Variants in PAX3 observed in about 807,000 individuals in gnomAD.
PAX3 encodes the protein paired box 3.
PAX3 carries 14 observed loss-of-function variants against 51.6 expected under a neutral mutation model. That is an observed-to-expected ratio of 0.27 (90% CI 0.18 to 0.42). The LOEUF is 0.42. Among genes scored for constraint, PAX3 ranks in the 10% least tolerant of loss-of-function variants. PAX3 has a pLI of 1.00. For synonymous variants in PAX3, 280 were observed against 253.4 expected (o/e 1.11, Z -1.00); for missense variants, 540 against 642.8 (o/e 0.84, Z 1.73).
Position 222,200,957 on chromosome 2 carries a change from C to G in PAX3, c.*451G>C. ...TTGTAGAAGTATCAGCATCGAACAT[C>G]GACATGTTATACTTTAGGGTATTCT... On this transcript the variant is annotated 3_prime_UTR_variant, in exon 9 of 9. Transcript: ENST00000392070. The G allele has an allele frequency of 1.7e-6, 1 of 590,718 alleles. No homozygotes were observed. Among genetic ancestry groups the G allele is most frequent in the South Asian group, 2.1e-5 (1 of 48,320 alleles). The allele number at this position is 590,718 out of a possible 1,614,324, so 36.6% of individuals were successfully genotyped here. A position where few individuals can be genotyped will look rare whatever the true frequency, so the allele number is the denominator to read the frequency against.
intron 7 of PAX3, among the ~76,000 whole-genome samples, chr2:222,206,158 G>T (rs1197641830): frequency 6.6e-6 from 1 of 150,600 alleles, no homozygotes; most frequent in East Asian, 1.9e-4. Context: ...TTTAATTTGG[G>T]GTATGAGAGA....
chr2:222,226,923 T>A (rs1559268352), intron 5 of PAX3, among the ~76,000 whole-genome samples: 1 of 151,860 alleles, frequency 6.6e-6, no homozygotes, highest in Non-Finnish European at 1.5e-5. Context: ...CAGTTGTATA[T>A]ACACATACAC....
chr2:222,240,053 A>C (rs1358747387), intron 4 of PAX3, among the ~76,000 whole-genome samples: 2 of 152,018 alleles, frequency 1.3e-5, no homozygotes, highest in African/African-American at 2.4e-5. Flanking sequence ...ATTAGAAGGA[A>C]AATAAGCTCC....
chr2:222,201,171 C>T lies in PAX3; in HGVS notation c.*237G>A. Reference sequence around the variant, plus strand: ...CATTGCCTTAAAATGTTGCATTTGTCTTTTATTGCTCCAGGTCTTCCTCTT... The same window carrying T: ...CATTGCCTTAAAATGTTGCATTTGTTTTTTATTGCTCCAGGTCTTCCTCTT... On this transcript the variant is annotated 3_prime_UTR_variant, in exon 9 of 9. Coordinates refer to ENST00000392070, the MANE Select transcript of PAX3 (RefSeq NM_181458.4). The T allele has an allele frequency of 6.2e-7, 1 of 1,613,902 alleles. No individual in the cohort carries two copies. The highest frequency in any genetic ancestry group is 8.5e-7 in the Non-Finnish European group (1 of 1,179,938).
At chr2:222,260,478 C>T (rs1187802385) in intron 4 of PAX3, among the ~76,000 whole-genome samples, 1 of 148,714 alleles carries the variant, frequency 6.7e-6, no homozygotes, top group African/African-American at 2.5e-5. Flanking sequence ...AACTCCCTTT[C>T]ATTTACACAT....
At chr2:222,275,966 GTTAAT>G (rs370180453) in intron 4 of PAX3, among the ~76,000 whole-genome samples, 201 of 152,326 alleles carry the variant, frequency 1.3e-3, no homozygotes, top group African/African-American at 4.5e-3. Flanking sequence ...CCATTAGGGC[GTTAAT>G]TTAAGATATG....
chr2:222,262,242 T>G (rs1693889036), intron 4 of PAX3, among the ~76,000 whole-genome samples: 1 of 152,262 alleles, frequency 6.6e-6, no homozygotes, highest in Non-Finnish European at 1.5e-5. Context: ...TTTATCCATT[T>G]TATCAGTTCT....
At chr2:222,205,956 T>G (rs1324945257) in intron 7 of PAX3, among the ~76,000 whole-genome samples, 1 of 152,230 alleles carries the variant, frequency 6.6e-6, no homozygotes, top group Non-Finnish European at 1.5e-5. Flanking sequence ...TGTCTTCCAG[T>G]CACATTTTCT....
chr2:222,293,565 T>A, intron 4 of PAX3: 1 of 1,530,462 alleles, frequency 6.5e-7, no homozygotes, highest in Non-Finnish European at 9.0e-7. Flanking sequence ...TTGGGTTCCT[T>A]TCAATTCCCA....
At chr2:222,252,089 G>C (rs1693455812) in intron 4 of PAX3, among the ~76,000 whole-genome samples, 1 of 152,168 alleles carries the variant, frequency 6.6e-6, no homozygotes, top group South Asian at 2.1e-4. Flanking sequence ...GAAAAAAGAA[G>C]AGTAACATTG....
Position 222,201,081 on chromosome 2 carries a change from T to C in PAX3, c.*327A>G, listed in dbSNP as rs1418041434. The stretch of plus-strand genomic sequence containing the variant: ...CACGCACGCACACAAGCAAATGGAA[T>C]GTTCTAGCTCCTCGATGATCAGCAC... On this transcript the variant is annotated 3_prime_UTR_variant, in exon 9 of 9. Coordinates refer to ENST00000392070, the MANE Select transcript of PAX3 (RefSeq NM_181458.4). 2 of 1,356,636 alleles carry C rather than the reference T, an allele frequency of 1.5e-6. No homozygotes were observed. The highest frequency in any genetic ancestry group is 1.2e-5 in the South Asian group (1 of 82,338). 84.0% of individuals were successfully genotyped at this position (1,356,636 alleles called of 1,614,324 possible).
chr2:222,252,505 T>C (rs891096385), intron 4 of PAX3, among the ~76,000 whole-genome samples: 1 of 152,190 alleles, frequency 6.6e-6, no homozygotes, highest in African/African-American at 2.4e-5. Context: ...GAAGCTTGTG[T>C]TTATGAATTT....
chr2:222,204,051 T>G (rs2106038421), intron 7 of PAX3, among the ~76,000 whole-genome samples: 1 of 152,316 alleles, frequency 6.6e-6, no homozygotes, highest in African/African-American at 2.4e-5. Context: ...TTTTTTGAGA[T>G]ATGTGGTAAA....
intron 4 of PAX3, among the ~76,000 whole-genome samples, chr2:222,236,685 G>C (rs1206265411): frequency 1.3e-5 from 2 of 152,140 alleles, no homozygotes; most frequent in Non-Finnish European, 2.9e-5. Context: ...GTGTAAATGA[G>C]TTAATAAATT....
At chr2:222,293,871 C>A (rs769244801) in intron 4 of PAX3, 1 of 1,609,420 alleles carries the variant, frequency 6.2e-7, no homozygotes, top group Non-Finnish European at 8.5e-7. Flanking sequence ...AGAGTGAGAG[C>A]TTCCCCTGCC....
rs1427884692 is a variant in PAX3 at position 222,232,092 on chromosome 2, C to T, written c.778G>A (p.Glu260Lys). ...EELAQRAKLT[E>K]ARVQVWFSNR... ...GGCAACAGTACCTGTACTCGGGCCT[C>T]GGTGAGCTTCGCCCTCTGGGCCAGT... The change falls in exon 5 of 9, where the codon GAG becomes AAG. Residue 260 changes from glutamate (E) to lysine (K), a missense_variant. Physicochemically the swap from Glu to Lys is moderately conservative, Grantham distance 56. Coordinates refer to ENST00000392070, the MANE Select transcript of PAX3 (RefSeq NM_181458.4). 3 of 1,613,912 alleles carry T rather than the reference C, an allele frequency of 1.9e-6. No individual in the cohort carries two copies. Among genetic ancestry groups the T allele is most frequent in the South Asian group, 1.1e-5 (1 of 91,068 alleles).
chr2:222,230,854 CAAA>C (rs5838938), intron 5 of PAX3, among the ~76,000 whole-genome samples: 109 of 108,694 alleles, frequency 1.0e-3, no homozygotes, highest in Middle Eastern at 5.1e-3. Context: ...GACTCCACCT[CAAA>C]AAAAAAAAAA....
intron 3 of PAX3, 41 bp downstream of exon 3, chr2:222,295,487 C>G: frequency 1.9e-6 from 3 of 1,612,962 alleles, no homozygotes; most frequent in Non-Finnish European, 2.5e-6. Flanking sequence ...GTAATAGCGA[C>G]TGACTGTCGC....
chr2:222,226,430 C>T (rs980274719), intron 5 of PAX3, among the ~76,000 whole-genome samples: 1 of 152,074 alleles, frequency 6.6e-6, no homozygotes. Context: ...AGGAGGAAGG[C>T]CATGCTCCCA....
Sources: gnomAD v4.1 joint callset for allele counts (sites outside exome capture counted in the v4.1 genomes callset) on GRCh38, gnomAD v4.1.1 for gene constraint, MANE v1.5 for transcripts, NCBI Gene and HGNC (gene_info 2026-07-23, HGNC 2026-07-21) for gene names.